Variants in ELOVL4 observed in about 807,000 individuals in gnomAD.
ELOVL4 encodes ELOVL fatty acid elongase 4.
In ELOVL4, 18 loss-of-function variants were observed where a neutral mutation model predicts 42.1. The ratio of observed to expected loss-of-function variants is 0.43; its 90% CI spans 0.30 to 0.63. The LOEUF (loss-of-function observed/expected upper bound fraction) is 0.63, where lower values mean the gene tolerates loss of function less well. Ranked by LOEUF, ELOVL4 falls within the 30% of genes least tolerant of loss-of-function variation. ELOVL4 has a pLI of 0.15. For missense variants in ELOVL4, 299 were observed against 376.2 expected (o/e 0.79, Z 1.70); for synonymous variants, 117 against 127.0 (o/e 0.92, Z 0.53).
At position 79,947,376 on chromosome 6, in the gene ELOVL4, C is replaced by A; in HGVS notation, c.-97G>T. ...GGCGGCCGACGGGGCGAGCGGCGGCCGGGAACCCCTCTAACGGCGGCGGCC... is the reference window on the plus strand; with the variant it reads ...GGCGGCCGACGGGGCGAGCGGCGGCAGGGAACCCCTCTAACGGCGGCGGCC... On this transcript the variant is annotated 5_prime_UTR_variant, in exon 1 of 6. Coordinates refer to ENST00000369816, the MANE Select transcript of ELOVL4 (RefSeq NM_022726.4). The A allele has an allele frequency of 1.1e-6, 1 of 932,394 alleles. No homozygotes were observed. Among genetic ancestry groups the A allele is most frequent in the Non-Finnish European group, 1.7e-6 (1 of 594,958 alleles). 57.8% of individuals were successfully genotyped at this position (932,394 alleles called of 1,614,324 possible).
chr6:79,935,840 C>T (rs1167372575), intron 1 of ELOVL4, among the ~76,000 whole-genome samples: 1 of 152,114 alleles, frequency 6.6e-6, no homozygotes. Context: ...GATTGCAAAA[C>T]AAATTAGGAA....
At chr6:79,939,002 A>G (rs1582055009) in intron 1 of ELOVL4, among the ~76,000 whole-genome samples, 2 of 152,322 alleles carry the variant, frequency 1.3e-5, no homozygotes, top group African/African-American at 4.8e-5. Flanking sequence ...ACTTCTAAAT[A>G]TATGGAAAAA....
At chr6:79,942,391 A>G (rs12193448) in intron 1 of ELOVL4, among the ~76,000 whole-genome samples, 640 of 152,326 alleles carry the variant, frequency 4.2e-3, no homozygotes, top group Middle Eastern at 0.01. Context: ...GAAGACGAAA[A>G]AAACATCTAA....
chr6:79,944,336 A>C (rs1217685689), intron 1 of ELOVL4, among the ~76,000 whole-genome samples: 1 of 152,220 alleles, frequency 6.6e-6, no homozygotes, highest in Non-Finnish European at 1.5e-5. Flanking sequence ...ACATGATGAC[A>C]TGGAATACCT....
intron 1 of ELOVL4, among the ~76,000 whole-genome samples, chr6:79,943,006 T>C (rs1020868674): frequency 6.6e-6 from 1 of 151,750 alleles, no homozygotes; most frequent in African/African-American, 2.4e-5. Context: ...GTGATGTTTC[T>C]TTCTTTCTTT....
At chr6:79,942,389 A>C (rs1774662387) in intron 1 of ELOVL4, among the ~76,000 whole-genome samples, 1 of 152,214 alleles carries the variant, frequency 6.6e-6, no homozygotes, top group African/African-American at 2.4e-5. Flanking sequence ...ATGAAGACGA[A>C]AAAAACATCT....
rs1582059463 is a variant in ELOVL4 at position 79,947,522 on chromosome 6, A to G, written c.-243T>C. On this transcript the variant is annotated 5_prime_UTR_variant, in exon 1 of 6. Coordinates refer to ENST00000369816, the MANE Select transcript of ELOVL4 (RefSeq NM_022726.4). ...AAAGACGAGGAGGTGGAGGAGGCCC[A>G]GCCGCCAGCACAGTGCGCTGCACCA... The G allele has an allele frequency of 7.4e-6, 4 of 543,842 alleles. No homozygotes were observed. In the Admixed American group the frequency reaches 9.1e-5, roughly 12 times the overall value. 33.7% of individuals were successfully genotyped at this position (543,842 alleles called of 1,614,324 possible).
In ELOVL4 at chr6:79,916,359, TTAA is replaced by T; in HGVS notation, c.*246_*248del. 2.0e-6 allele frequency: 1 copy of T among 488,898 alleles called. No homozygotes were observed. The highest frequency in any genetic ancestry group is 3.7e-6 in the Non-Finnish European group (1 of 273,058). The allele number at this position is 488,898 out of a possible 1,614,324, so 30.3% of individuals were successfully genotyped here. On this transcript the variant is annotated 3_prime_UTR_variant, in exon 6 of 6. Transcript: ENST00000369816. ...ACAGGGGGAGAATCCCCAAAGTCACTTAATGATTGCTTTGGTCTGGAGAATATC... is the reference window on the plus strand; with the variant it reads ...ACAGGGGGAGAATCCCCAAAGTCACTTGATTGCTTTGGTCTGGAGAATATC...
chr6:79,921,948 A>ACTT, intron 3 of ELOVL4, 152 bp from the exon 4 acceptor site: 1 of 742,598 alleles, frequency 1.3e-6, no homozygotes, highest in Non-Finnish European at 2.2e-6. Flanking sequence ...TGAAAAACCT[A>ACTT]AGCATCTCTC....
chr6:79,937,811 A>G (rs981925671), intron 1 of ELOVL4, among the ~76,000 whole-genome samples: 4 of 152,220 alleles, frequency 2.6e-5, no homozygotes, highest in Non-Finnish European at 5.9e-5. Context: ...TGGTTAAATA[A>G]TATCTAACTT....
At chr6:79,943,228 G>C (rs239519) in intron 1 of ELOVL4, among the ~76,000 whole-genome samples, 10,844 of 152,134 alleles carry the variant, frequency 0.071, 1,246 homozygotes, top group African/African-American at 0.25. Context: ...CTGGGACCTA[G>C]CAATCCCTAA....
chr6:79,932,160 A>C (rs997506105), intron 1 of ELOVL4, among the ~76,000 whole-genome samples: 1 of 152,232 alleles, frequency 6.6e-6, no homozygotes, highest in African/African-American at 2.4e-5. Context: ...AAGGTTACGT[A>C]ATAATTATGT....
rs1415501479 is a variant in ELOVL4, at chr6:79,947,325, G to A, written c.-46C>T. 17 of 1,483,314 alleles carry A rather than the reference G, an allele frequency of 1.1e-5. No homozygotes were observed. Among genetic ancestry groups the A allele is most frequent in the Non-Finnish European group, 1.5e-5 (16 of 1,073,068 alleles). The allele number at this position is 1,483,314 out of a possible 1,614,324, so 91.9% of individuals were successfully genotyped here. ...GGCGGCAGGAGAAAGCGGAGACCCA[G>A]AGAGAGGGCTGACCCCGGAGGCGGT... On this transcript the variant is annotated 5_prime_UTR_variant, in exon 1 of 6. Transcript: ENST00000369816.
At chr6:79,941,621 TG>T (rs1392891777) in intron 1 of ELOVL4, among the ~76,000 whole-genome samples, 1 of 152,056 alleles carries the variant, frequency 6.6e-6, no homozygotes, top group African/African-American at 2.4e-5. Flanking sequence ...CAGCACTTTG[TG>T]GGGCTGAGGT....
At chr6:79,916,960 A>C in intron 5 of ELOVL4, 77 bp from the exon 6 acceptor site, 1 of 1,570,914 alleles carries the variant, frequency 6.4e-7, no homozygotes, top group South Asian at 1.1e-5. Context: ...CATCTTCTAC[A>C]TAGCTATCAC....
At chr6:79,944,847 T>C (rs1582057834) in intron 1 of ELOVL4, among the ~76,000 whole-genome samples, 1 of 152,138 alleles carries the variant, frequency 6.6e-6, no homozygotes, top group East Asian at 1.9e-4. Flanking sequence ...CCCATTTCTG[T>C]TTCCCCTTCT....
At chr6:79,942,573 T>C (rs1330817605) in intron 1 of ELOVL4, among the ~76,000 whole-genome samples, 2 of 152,198 alleles carry the variant, frequency 1.3e-5, no homozygotes, top group East Asian at 3.8e-4. Context: ...AAATTGAATT[T>C]TTAAAGGATG....
chr6:79,942,640 C>A (rs1335626604), intron 1 of ELOVL4, among the ~76,000 whole-genome samples: 1 of 152,154 alleles, frequency 6.6e-6, no homozygotes, highest in Non-Finnish European at 1.5e-5. Context: ...TAATTATCTG[C>A]ATAATTCTTA....
At chr6:79,945,892 A>C (rs1180427300) in intron 1 of ELOVL4, among the ~76,000 whole-genome samples, 2 of 152,230 alleles carry the variant, frequency 1.3e-5, no homozygotes, top group Non-Finnish European at 2.9e-5. Context: ...CCAGTGTCAA[A>C]GTTGAGATCT....
Sources: gnomAD v4.1 joint callset for allele counts (sites outside exome capture counted in the v4.1 genomes callset) on GRCh38, gnomAD v4.1.1 for gene constraint, MANE v1.5 for transcripts, NCBI Gene and HGNC (gene_info 2026-07-23, HGNC 2026-07-21) for gene names.